The following MYCBP2 variants were observed in gnomAD, a reference collection of about 807,000 sequenced individuals.
MYCBP2 encodes the protein MYC binding protein 2, also known as E3 ubiquitin-protein ligase MYCBP2.
Under a neutral mutation model 525.3 loss-of-function variants are expected in MYCBP2, and 120 were observed. That is an observed-to-expected ratio of 0.23 (90% CI 0.20 to 0.27). MYCBP2 has a LOEUF of 0.27. MYCBP2 is among the 10% of genes least tolerant of loss of function. The pLI, the probability that MYCBP2 is intolerant of heterozygous loss-of-function variation, is 1.00. For synonymous variants in MYCBP2, 1,894 were observed against 1,955.8 expected, an observed-to-expected ratio of 0.97 and a Z score of 0.83; for missense variants, 4,149 against 5,657.1, an observed-to-expected ratio of 0.73 and a Z score of 8.55.
intron 14 of MYCBP2, among the ~76,000 whole-genome samples, chr13:77,252,351 A>C (rs1463377277): frequency 3.3e-5 from 5 of 152,138 alleles, no homozygotes; most frequent in Non-Finnish European, 7.4e-5. Flanking sequence ...TACTCTGCAG[A>C]CCTCTGCTCT....
At chr13:77,123,875 A>C (rs776425672) in intron 54 of MYCBP2, among the ~76,000 whole-genome samples, 5 of 152,240 alleles carry the variant, frequency 3.3e-5, no homozygotes, top group Non-Finnish European at 7.3e-5. Flanking sequence ...AAAATGTTTA[A>C]AAATTTATGA....
rs764774187 is a variant in MYCBP2, at chr13:77,176,644, G to T, written c.5341-16C>A. The T allele has an allele frequency of 2.1e-6, 3 of 1,454,100 alleles. No homozygotes were observed. Among genetic ancestry groups the T allele is most frequent in the Admixed American group, 2.1e-5 (1 of 48,462 alleles). The allele number at this position is 1,454,100 out of a possible 1,614,324, so 90.1% of individuals were successfully genotyped here. A position where few individuals can be genotyped will look rare whatever the true frequency, so the allele number is the denominator to read the frequency against. ...CATGTTCACTCTAAAAAAAAAAAAT[G>T]AAACACAAAAATTCCAACAGACTCT... On this transcript the variant is annotated splice_polypyrimidine_tract_variant and intron_variant, in intron 35 of 82. Coordinates refer to ENST00000544440, the MANE Select transcript of MYCBP2 (RefSeq NM_015057.5).
chr13:77,323,769 G>C (rs1045798114), intron 1 of MYCBP2, among the ~76,000 whole-genome samples: 1 of 152,020 alleles, frequency 6.6e-6, no homozygotes, highest in Non-Finnish European at 1.5e-5. Flanking sequence ...CTAGACATTG[G>C]GATTATCAAA....
At chr13:77,229,285 C>T (rs2066788729) in intron 18 of MYCBP2, among the ~76,000 whole-genome samples, 1 of 152,118 alleles carries the variant, frequency 6.6e-6, no homozygotes, top group Non-Finnish European at 1.5e-5. Flanking sequence ...ACTATTGTTA[C>T]TTTCTTTAAT....
At chr13:77,181,943 G>T (rs985630332) in intron 32 of MYCBP2, 21 bp from the exon 33 acceptor site, 3 of 1,587,060 alleles carry the variant, frequency 1.9e-6, no homozygotes, top group African/African-American at 2.7e-5. Context: ...CAAAAATATG[G>T]CCCCCCAACC....
At chr13:77,165,537 G>C in intron 41 of MYCBP2, 146 bp from the exon 42 acceptor site, 3 of 593,310 alleles carry the variant, frequency 5.1e-6, no homozygotes, top group East Asian at 3.1e-5. Flanking sequence ...ACTTGCGGCG[G>C]GGAGCGTTCC....
rs143420440 is a variant in MYCBP2 at position 77,206,787 on chromosome 13, G to T, written c.3455C>A (p.Ala1152Glu). 1 of 1,610,570 alleles carries T rather than the reference G, an allele frequency of 6.2e-7. No homozygotes were observed. Among genetic ancestry groups the T allele is most frequent in the Non-Finnish European group, 8.5e-7 (1 of 1,177,884 alleles). Reference protein sequence around the residue: ...PNTRELWCYNAVVADARLPSA... With the variant: ...PNTRELWCYNEVVADARLPSA... ...GGGAAGCCTGGCATCAGCAACCACC[G>T]CATTGTAACACCACAGCTCTCTAGT... The change falls in exon 24 of 83, where the codon GCG becomes GAG. Residue 1152 changes from alanine (A) to glutamate (E), a missense_variant. Ala to Glu is a moderately radical substitution (Grantham distance 107, BLOSUM62 -1). Transcript: ENST00000544440.
chr13:77,267,289 A>T (rs1175843779), intron 8 of MYCBP2, among the ~76,000 whole-genome samples: 2 of 151,888 alleles, frequency 1.3e-5, no homozygotes, highest in Non-Finnish European at 2.9e-5. Flanking sequence ...GTGTCCAAAG[A>T]CCTTTATCAA....
At chr13:77,103,431 T>C (rs1004557078) in intron 55 of MYCBP2, 4 of 391,506 alleles carry the variant, frequency 1.0e-5, no homozygotes, top group African/African-American at 6.2e-5. Flanking sequence ...TTATTTTAAA[T>C]AGTTTATATT....
chr13:77,305,959 T>A (rs1261094158), intron 1 of MYCBP2, among the ~76,000 whole-genome samples: 4 of 152,172 alleles, frequency 2.6e-5, no homozygotes, highest in Non-Finnish European at 4.4e-5. Flanking sequence ...AAAAATTAAG[T>A]ATTTCCACTT....
intron 72 of MYCBP2, among the ~76,000 whole-genome samples, chr13:77,065,246 A>G (rs192185448): frequency 5.8e-4 from 89 of 152,346 alleles, no homozygotes; most frequent in Admixed American, 2.6e-3. Context: ...TTTTAATTCA[A>G]TGAACACCCT....
In MYCBP2 at chr13:77,257,837, A is replaced by G. The variant is rs1039296323; in HGVS notation, c.2018-8T>C. On this transcript the variant is annotated splice_region_variant and splice_polypyrimidine_tract_variant and intron_variant, in intron 13 of 82. Coordinates refer to ENST00000544440, the MANE Select transcript of MYCBP2 (RefSeq NM_015057.5). ...TCAAATCAGTTACCAAACCTATAGG[A>G]AAGAAACAAATTTAGTAAAAACAAC... 1.1e-5 allele frequency: 18 copies of G among 1,595,724 alleles called. No homozygotes were observed. Among genetic ancestry groups the G allele is most frequent in the Non-Finnish European group, 1.5e-5 (18 of 1,174,972 alleles).
At chr13:77,114,943 T>C (rs1036644239) in intron 55 of MYCBP2, among the ~76,000 whole-genome samples, 22 of 152,092 alleles carry the variant, frequency 1.4e-4, no homozygotes, top group East Asian at 7.7e-4. Flanking sequence ...ATTTGCAATA[T>C]AGTTTTTCAG....
intron 1 of MYCBP2, among the ~76,000 whole-genome samples, chr13:77,309,224 G>A (rs888215319): frequency 2.0e-5 from 3 of 152,174 alleles, no homozygotes; most frequent in African/African-American, 7.2e-5. Context: ...GGTGAAGTGA[G>A]TGGGTGTTGG....
intron 54 of MYCBP2, 69 bp downstream of exon 54, chr13:77,125,267 T>C: frequency 3.8e-6 from 6 of 1,562,636 alleles, no homozygotes; most frequent in Non-Finnish European, 5.2e-6. Context: ...ACAAAAGCAA[T>C]ACAATAGGCA....
intron 47 of MYCBP2, 41 bp downstream of exon 47, chr13:77,150,693 T>C (rs57012685): frequency 0.041 from 63,769 of 1,560,136 alleles, 1,446 homozygotes; most frequent in East Asian, 0.066. Flanking sequence ...AATAAACAAA[T>C]GCTGAAAACT....
chr13:77,114,431 T>C (rs1430639867), intron 55 of MYCBP2, among the ~76,000 whole-genome samples: 1 of 152,124 alleles, frequency 6.6e-6, no homozygotes, highest in African/African-American at 2.4e-5. Flanking sequence ...CTTAGAGAGC[T>C]AGTAAGTAGC....
At position 77,309,043 on chromosome 13, in the gene MYCBP2, G is replaced by A. The variant is rs989570576; in HGVS notation, c.303-12369C>T. Among the ~76,000 whole-genome samples, 14 of 152,262 alleles carry A rather than the reference G, an allele frequency of 9.2e-5. No individual in the cohort carries two copies. In the South Asian group the frequency reaches 2.9e-3, roughly 32 times the overall value. ...AATGGATGCCAAAGGGATATGGCTA[G>A]GACACTAAGAACATCTCCTACAGGT... is the stretch of plus-strand genomic sequence containing the variant. On this transcript the variant is annotated intron_variant, in intron 1 of 82. Coordinates refer to ENST00000544440, the MANE Select transcript of MYCBP2 (RefSeq NM_015057.5).
At chr13:77,288,056 G>A in intron 3 of MYCBP2, 105 bp downstream of exon 3, 3 of 1,151,444 alleles carry the variant, frequency 2.6e-6, no homozygotes, top group Non-Finnish European at 3.7e-6. Context: ...TTTTTAGTGT[G>A]CAATTTTACA....
Sources: gnomAD v4.1 joint callset for allele counts (sites outside exome capture counted in the v4.1 genomes callset) on GRCh38, gnomAD v4.1.1 for gene constraint, MANE v1.5 for transcripts, NCBI Gene and HGNC (gene_info 2026-07-23, HGNC 2026-07-21) for gene names.